The following SLITRK6 variants were observed in gnomAD, a reference collection of about 807,000 sequenced individuals.
SLITRK6 encodes SLIT and NTRK-like protein 6.
SLITRK6 carries 35 observed loss-of-function variants against 55.6 expected under a neutral mutation model. That is an observed-to-expected ratio of 0.63 (90% confidence interval 0.48 to 0.83). The LOEUF (loss-of-function observed/expected upper bound fraction) is 0.83, where lower values mean the gene tolerates loss of function less well. SLITRK6 is among the 40% of genes least tolerant of loss of function. The pLI, the probability that SLITRK6 is intolerant of heterozygous loss-of-function variation, is 0.00. For synonymous variants in SLITRK6, 392 were observed against 359.6 expected (o/e 1.09, Z -1.02); for missense variants, 977 against 986.4 (o/e 0.99, Z 0.13).
chr13:85,798,608 C>T (rs1198160917), intron 1 of SLITRK6, among the ~76,000 whole-genome samples: 2 of 151,960 alleles, frequency 1.3e-5, no homozygotes, highest in African/African-American at 2.4e-5. Context: ...ATTCAACATT[C>T]GCATTTGGAA....
chr13:85,793,855 T>A lies in SLITRK6; in HGVS notation c.*128A>T, dbSNP rs891470029. 3 of 1,104,416 alleles carry A rather than the reference T, an allele frequency of 2.7e-6. No homozygotes were observed. In the African/African-American group the frequency reaches 4.8e-5, roughly 18 times the overall value. The allele number at this position is 1,104,416 out of a possible 1,614,324, so 68.4% of individuals were successfully genotyped here. A position where few individuals can be genotyped will look rare whatever the true frequency, so the allele number is the denominator to read the frequency against. ...CTGAGTTTCTTTTTCTTCTTCTTTTTTTTTCCCCATAGTTTACTGCTGTGC... is the reference window on the plus strand; with the variant it reads ...CTGAGTTTCTTTTTCTTCTTCTTTTATTTTCCCCATAGTTTACTGCTGTGC... On this transcript the variant is annotated 3_prime_UTR_variant, in exon 2 of 2. Coordinates refer to ENST00000647374, the MANE Select transcript of SLITRK6 (RefSeq NM_032229.3).
At chr13:85,797,002 T>TA in intron 1 of SLITRK6, among the ~76,000 whole-genome samples, 1 of 151,800 alleles carries the variant, frequency 6.6e-6, no homozygotes, top group African/African-American at 2.4e-5. Context: ...GTAGGGAATG[T>TA]AAAAAATGAT....
Position 85,796,105 on chromosome 13 carries a change from A to G in SLITRK6, c.404T>C (p.Leu135Pro). The G allele has an allele frequency of 6.2e-7, 1 of 1,612,420 alleles. No individual in the cohort carries two copies. The highest frequency in any genetic ancestry group is 8.5e-7 in the Non-Finnish European group (1 of 1,179,296). The change falls in exon 2 of 2, where the codon CTG becomes CCG. Residue 135 changes from leucine (L) to proline (P), a missense_variant. Leu to Pro is a moderately conservative substitution (Grantham distance 98, BLOSUM62 -3). Coordinates refer to ENST00000647374, the MANE Select transcript of SLITRK6 (RefSeq NM_032229.3). ...EILKEDTFHG[L>P]ENLEFLQADN... ...TGCTTGCAGGAATTCCAGGTTTTCCAGTCCATGGAAAGTATCCTCTTTAAG... is the reference window on the plus strand; with the variant it reads ...TGCTTGCAGGAATTCCAGGTTTTCCGGTCCATGGAAAGTATCCTCTTTAAG...
chr13:85,797,063 A>G (rs557984514), intron 1 of SLITRK6, among the ~76,000 whole-genome samples: 2 of 151,766 alleles, frequency 1.3e-5, no homozygotes, highest in African/African-American at 4.8e-5. Context: ...GTACGCATGT[A>G]GCATGCATTG....
rs371704272 is a variant in SLITRK6, at chr13:85,794,699, C to A, written c.1810G>T (p.Ala604Ser). ...ADTILRSLTDAVPLSVLILGL... is the reference protein window; with the variant it reads ...ADTILRSLTDSVPLSVLILGL... ...AATATTAGAACAGACAGTGGCACAGCGTCCGTAAGAGATCGTAAAATAGTA... is the reference window on the plus strand; with the variant it reads ...AATATTAGAACAGACAGTGGCACAGAGTCCGTAAGAGATCGTAAAATAGTA... Residue 604 changes from alanine (A) to serine (S), a missense_variant, in exon 2 of 2, where the codon GCT becomes TCT. Ala to Ser is a moderately conservative substitution (Grantham distance 99). Coordinates refer to ENST00000647374, the MANE Select transcript of SLITRK6 (RefSeq NM_032229.3). 8 of 1,613,076 alleles carry A rather than the reference C, an allele frequency of 5.0e-6. No homozygotes were observed. The highest frequency in any genetic ancestry group is 6.8e-6 in the Non-Finnish European group (8 of 1,179,524).
At position 85,794,731 on chromosome 13, in the gene SLITRK6, G is replaced by A. The variant is rs200638461; in HGVS notation, c.1778C>T (p.Thr593Met). ...MVTTPATTTN[T>M]ADTILRSLTD... ...AAGAGATCGTAAAATAGTATCAGCC[G>A]TATTTGTTGTTGTTGCAGGAGTGGT... The change falls in exon 2 of 2, where the codon ACG (threonine) becomes ATG (methionine). Residue 593 changes from threonine (T) to methionine (M), a missense_variant. Coordinates refer to ENST00000647374, the MANE Select transcript of SLITRK6 (RefSeq NM_032229.3). The A allele has an allele frequency of 1.7e-5, 27 of 1,613,136 alleles. No homozygotes were observed. Among genetic ancestry groups the A allele is most frequent in the Middle Eastern group, 1.6e-4 (1 of 6,076 alleles).
In SLITRK6 at chr13:85,795,071, A is replaced by C. The variant is rs1478178400; in HGVS notation, c.1438T>G (p.Ser480Ala). 1 of 1,612,916 alleles carries C rather than the reference A, an allele frequency of 6.2e-7. No individual in the cohort carries two copies. The highest frequency in any genetic ancestry group is 1.3e-5 in the African/African-American group (1 of 74,842). The change falls in exon 2 of 2, where the codon TCA (serine) becomes GCA (alanine). Residue 480 changes from serine (S) to alanine (A), a missense_variant. By Grantham distance (99) the Ser-to-Ala change is moderately conservative. Transcript: ENST00000647374. ...TTTACCTTAGTTAGAGGAACCCCTG[A>C]AAAAATATGTGGTGGTAAAACTTGG... ...LLQVLPPHIF[S>A]GVPLTKVNLK... is the part of the protein sequence containing the mutation.
Position 85,792,974 on chromosome 13 carries a change from T to C in SLITRK6, c.*1009A>G, listed in dbSNP as rs1874590651. The C allele has an allele frequency of 6.6e-6, 1 of 152,148 alleles. No individual in the cohort carries two copies. Among genetic ancestry groups the C allele is most frequent in the Admixed American group, 6.6e-5 (1 of 15,158 alleles). The allele number at this position is 152,148 out of a possible 1,614,324, so 9.4% of individuals were successfully genotyped here. A position where few individuals can be genotyped will look rare whatever the true frequency, so the allele number is the denominator to read the frequency against. ...CCTCTCTTGAGGCAACTTAAACCAC[T>C]TACCTTTAGAAGTGCCTTTTGCTAC... On this transcript the variant is annotated 3_prime_UTR_variant, in exon 2 of 2. Transcript: ENST00000647374.
chr13:85,795,789 A>T lies in SLITRK6; in HGVS notation c.720T>A (p.Ser240=). 6.2e-7 allele frequency: 1 copy of T among 1,612,964 alleles called. No homozygotes were observed. The highest frequency in any genetic ancestry group is 8.5e-7 in the Non-Finnish European group (1 of 1,179,432). The change falls in exon 2 of 2, where the codon TCT becomes TCA. Residue 240 remains serine (S), a synonymous_variant. Coordinates refer to ENST00000647374, the MANE Select transcript of SLITRK6 (RefSeq NM_032229.3). ...KTWLENMPPQ[S]IIGDVVCNSP... ...TGTTGCAGACAACATCACCAATTAT[A>T]GACTGTGGAGGCATGTTCTCCAACC...
Position 85,795,179 on chromosome 13 carries a change from A to G in SLITRK6, c.1330T>C (p.Tyr444His). Residue 444 changes from tyrosine (Y) to histidine (H), a missense_variant, in exon 2 of 2, where the codon TAC becomes CAC. Coordinates refer to ENST00000647374, the MANE Select transcript of SLITRK6 (RefSeq NM_032229.3). Reference sequence around the variant, plus strand: ...GGCAGTATTTCCTTAATGGCATTGTATTCAAGATATAAGTATTCAAGATTA... The same window carrying G: ...GGCAGTATTTCCTTAATGGCATTGTGTTCAAGATATAAGTATTCAAGATTA... ...LHNLEYLYLE[Y>H]NAIKEILPGT... 6.2e-7 allele frequency: 1 copy of G among 1,612,786 alleles called. No individual in the cohort carries two copies. The highest frequency in any genetic ancestry group is 8.5e-7 in the Non-Finnish European group (1 of 1,179,374).
rs1874728899 is a variant in SLITRK6, at chr13:85,796,463, T to C, written c.46A>G (p.Ile16Val). Reference protein sequence around the residue: ...HLFYSSLLACISLHSQTPVLS... With the variant: ...HLFYSSLLACVSLHSQTPVLS... Reference sequence around the variant, plus strand: ...ACTGGAGTTTGGGAGTGTAAAGATATACAGGCAAGGAGAGATGAATAAAAG... The same window carrying C: ...ACTGGAGTTTGGGAGTGTAAAGATACACAGGCAAGGAGAGATGAATAAAAG... The change falls in exon 2 of 2, where the codon ATA becomes GTA. Residue 16 changes from isoleucine (I) to valine (V), a missense_variant. Ile to Val is a conservative substitution (Grantham distance 29). Coordinates refer to ENST00000647374, the MANE Select transcript of SLITRK6 (RefSeq NM_032229.3). The C allele has an allele frequency of 2.5e-6, 4 of 1,594,428 alleles. No individual in the cohort carries two copies. The highest frequency in any genetic ancestry group is 2.7e-5 in the African/African-American group (2 of 73,744).
In SLITRK6 at chr13:85,793,906, A is replaced by T; in HGVS notation, c.*77T>A. ...TTAGGTTCTGATTGATGACACACTC[A>T]CGTAAGGCACTTATTTACAAGGTAT... On this transcript the variant is annotated 3_prime_UTR_variant, in exon 2 of 2. Coordinates refer to ENST00000647374, the MANE Select transcript of SLITRK6 (RefSeq NM_032229.3). 1 of 1,486,630 alleles carries T rather than the reference A, an allele frequency of 6.7e-7. No homozygotes were observed. Among genetic ancestry groups the T allele is most frequent in the Admixed American group, 2.3e-5 (1 of 42,738 alleles). 92.1% of individuals were successfully genotyped at this position (1,486,630 alleles called of 1,614,324 possible).
In SLITRK6 at chr13:85,795,854, T is replaced by C. The variant is rs1057339350; in HGVS notation, c.655A>G (p.Lys219Glu). Residue 219 changes from lysine to glutamate, a missense_variant, in exon 2 of 2, where the codon AAA (lysine) becomes GAA (glutamate). Lys to Glu is a moderately conservative substitution (Grantham distance 56). Coordinates refer to ENST00000647374, the MANE Select transcript of SLITRK6 (RefSeq NM_032229.3). ...AATAAGTCACAATTGCAGGCCCATT[T>C]GTTGTCCTCCAACTGAAGATCCAAT... ...RILDLQLEDN[K>E]WACNCDLLQL... 3 of 1,612,996 alleles carry C rather than the reference T, an allele frequency of 1.9e-6. No homozygotes were observed. Among genetic ancestry groups the C allele is most frequent in the Non-Finnish European group, 1.7e-6 (2 of 1,179,486 alleles).
rs1874612224 is a variant in SLITRK6, at chr13:85,793,783, C to A, written c.*200G>T. 1 of 500,684 alleles carries A rather than the reference C, an allele frequency of 2.0e-6. No individual in the cohort carries two copies. The highest frequency in any genetic ancestry group is 3.2e-5 in the East Asian group (1 of 31,358). 31.0% of individuals were successfully genotyped at this position (500,684 alleles called of 1,614,324 possible). ...ATGCAAGGATTTATTTTATTTGGGA[C>A]AGACTAAATTGCCTGAAGATAATGC... On this transcript the variant is annotated 3_prime_UTR_variant, in exon 2 of 2. Transcript: ENST00000647374.
chr13:85,796,359 T>C lies in SLITRK6; in HGVS notation c.150A>G (p.Ala50=), dbSNP rs191835255. The change falls in exon 2 of 2, where the codon GCA becomes GCG. Residue 50 remains alanine (A), a synonymous_variant. Transcript: ENST00000647374. ...KDGTMLINCE[A]KGIKMVSEIS... ...TTTCAGATACCATCTTGATACCTTTTGCTTCACAATTTATTAGCATTGTGC... is the reference window on the plus strand; with the variant it reads ...TTTCAGATACCATCTTGATACCTTTCGCTTCACAATTTATTAGCATTGTGC... 5 of 1,612,742 alleles carry C rather than the reference T, an allele frequency of 3.1e-6. No homozygotes were observed. Among genetic ancestry groups the C allele is most frequent in the Middle Eastern group, 1.7e-4 (1 of 6,048 alleles).
rs774522660 is a variant in SLITRK6 at position 85,794,539 on chromosome 13, T to C, written c.1970A>G (p.Gln657Arg). The C allele has an allele frequency of 9.3e-6, 15 of 1,613,100 alleles. No homozygotes were observed. Among genetic ancestry groups the C allele is most frequent in the Admixed American group, 3.3e-5 (2 of 59,828 alleles). The change falls in exon 2 of 2, where the codon CAG becomes CGG. Residue 657 changes from glutamine to arginine, a missense_variant. Gln to Arg is a conservative substitution (Grantham distance 43, BLOSUM62 1). Coordinates refer to ENST00000647374, the MANE Select transcript of SLITRK6 (RefSeq NM_032229.3). ...QMRDNSPVHL[Q>R]YSMYGHKTTH... ...GGTTTTATGGCCATACATGCTGTAC[T>C]GAAGATGCACAGGACTGTTGTCTCT...
rs431057 is a variant in SLITRK6, at chr13:85,798,128, A to T, written c.-25+786T>A. ...AAAACAACATACTGCCTCTGTGTAAAGGGAAAGTTAGAAGATTTTATTTTT... is the reference window on the plus strand; with the variant it reads ...AAAACAACATACTGCCTCTGTGTAATGGGAAAGTTAGAAGATTTTATTTTT... On this transcript the variant is annotated intron_variant, in intron 1 of 1. Transcript: ENST00000647374. Among the ~76,000 whole-genome samples, 45 of 151,650 alleles carry T rather than the reference A, an allele frequency of 3.0e-4. No individual in the cohort carries two copies. The East Asian group carries it at 7.2e-3, about 24-fold the overall frequency.
At chr13:85,797,502 A>G (rs2137171245) in intron 1 of SLITRK6, among the ~76,000 whole-genome samples, 1 of 151,942 alleles carries the variant, frequency 6.6e-6, no homozygotes, top group South Asian at 2.1e-4. Flanking sequence ...ATAAACTTCT[A>G]GCAAATGACT....
In SLITRK6 at chr13:85,795,845, A is replaced by T. The variant is rs752922532; in HGVS notation, c.664T>A (p.Cys222Ser). The change falls in exon 2 of 2, where the codon TGC becomes AGC. Residue 222 changes from cysteine to serine, a missense_variant. Cys to Ser is a moderately radical substitution (Grantham distance 112). Transcript: ENST00000647374. ...DLQLEDNKWA[C>S]NCDLLQLKTW... The stretch of plus-strand genomic sequence containing the variant: ...TTTAACTGCAATAAGTCACAATTGC[A>T]GGCCCATTTGTTGTCCTCCAACTGA... 1 of 1,613,074 alleles carries T rather than the reference A, an allele frequency of 6.2e-7. No individual in the cohort carries two copies. Among genetic ancestry groups the T allele is most frequent in the Non-Finnish European group, 8.5e-7 (1 of 1,179,460 alleles).
Sources: gnomAD v4.1 joint callset for allele counts (sites outside exome capture counted in the v4.1 genomes callset) on GRCh38, gnomAD v4.1.1 for gene constraint, MANE v1.5 for transcripts, NCBI Gene and HGNC (gene_info 2026-07-23, HGNC 2026-07-21) for gene names.